Variants in NWD1 observed in about 807,000 individuals in gnomAD.
The protein encoded by NWD1 is NACHT and WD repeat domain containing 1, also known as NACHT domain- and WD repeat-containing protein 1.
Under a neutral mutation model 135.1 loss-of-function variants are expected in NWD1, and 129 were observed. The ratio of observed to expected loss-of-function variants is 0.96; its 90% CI spans 0.83 to 1.11. The LOEUF is 1.11. Among genes scored for constraint, NWD1 ranks in the 50% least tolerant of loss-of-function variants. The pLI is 0.00. For synonymous variants in NWD1, 773 were observed against 786.0 expected (o/e 0.98, Z 0.28); for missense variants, 1,740 against 1,851.3 (o/e 0.94, Z 1.10).
At chr19:16,752,783 G>C (rs2122828312) in intron 6 of NWD1, among the ~76,000 whole-genome samples, 1 of 152,240 alleles carries the variant, frequency 6.6e-6, no homozygotes, top group East Asian at 1.9e-4. Context: ...AATTACTTGA[G>C]CCCAGGAGTT....
chr19:16,725,014 T>A (rs8100417), intron 2 of NWD1, among the ~76,000 whole-genome samples: 1 of 149,154 alleles, frequency 6.7e-6, no homozygotes, highest in South Asian at 2.1e-4. Context: ...ATTTATTTTT[T>A]ATTTTTTTAT....
chr19:16,742,795 C>T (rs770759143), intron 4 of NWD1, among the ~76,000 whole-genome samples: 4 of 151,652 alleles, frequency 2.6e-5, no homozygotes, highest in Non-Finnish European at 4.4e-5. Context: ...CTCAGGCTCC[C>T]GAGCAGCTGG....
intron 10 of NWD1, among the ~76,000 whole-genome samples, chr19:16,766,103 A>C (rs557782123): frequency 3.9e-4 from 60 of 152,280 alleles, no homozygotes; most frequent in African/African-American, 1.4e-3. Flanking sequence ...ATGTAGGTAC[A>C]TATATGATAA....
intron 5 of NWD1, among the ~76,000 whole-genome samples, chr19:16,746,199 A>C (rs972832701): frequency 6.6e-6 from 1 of 151,960 alleles, no homozygotes; most frequent in Non-Finnish European, 1.5e-5. Context: ...ATTTAAAAAA[A>C]AAAAATTAAA....
chr19:16,807,486 C>G (rs2144512185), intron 17 of NWD1, 100 bp from the exon 18 acceptor site: 1 of 921,870 alleles, frequency 1.1e-6, no homozygotes. Flanking sequence ...GAGTGAGACT[C>G]CATCTCAAAA....
intron 3 of NWD1, among the ~76,000 whole-genome samples, chr19:16,733,375 C>T (rs1174502934): frequency 6.6e-6 from 1 of 151,366 alleles, no homozygotes; most frequent in Non-Finnish European, 1.5e-5. Flanking sequence ...ACAAAAATTA[C>T]CCAGATGTGG....
chr19:16,811,780 G>GC (rs956388104), intron 18 of NWD1, among the ~76,000 whole-genome samples: 7 of 152,010 alleles, frequency 4.6e-5, no homozygotes, highest in African/African-American at 1.5e-4. Context: ...CCCCTGTGGG[G>GC]CGCTTCAAAG....
rs1359242731 is a variant in NWD1 at position 16,749,794 on chromosome 19, C to T, written c.1152C>T (p.Gly384=). ...CACAAATGAGCTCAGATGCCCGTGG[C>T]CTGCTGAAGAGCATCTGCTTCCAGG... ...GTSQMSSDAR[G]LLKSICFQVC... Residue 384 remains glycine, a synonymous_variant, in exon 6 of 19, where the codon GGC becomes GGT. Coordinates refer to ENST00000524140, the MANE Select transcript of NWD1 (RefSeq NM_001007525.5). 6.2e-7 allele frequency: 1 copy of T among 1,605,650 alleles called. No individual in the cohort carries two copies. Among genetic ancestry groups the T allele is most frequent in the African/African-American group, 1.3e-5 (1 of 74,952 alleles).
At chr19:16,761,511 C>T (rs1029267781) in intron 7 of NWD1, among the ~76,000 whole-genome samples, 5 of 151,876 alleles carry the variant, frequency 3.3e-5, no homozygotes, top group Admixed American at 6.6e-5. Flanking sequence ...AGCACACCAC[C>T]ACGCCCAGCT....
At chr19:16,797,694 G>A in intron 15 of NWD1, 38 bp from the exon 16 acceptor site, 1 of 1,593,586 alleles carries the variant, frequency 6.3e-7, no homozygotes, top group South Asian at 1.1e-5. Flanking sequence ...AATCTCCTCT[G>A]GACATGAGAG....
At chr19:16,814,379 G>T (rs1971009420) in intron 18 of NWD1, among the ~76,000 whole-genome samples, 1 of 152,116 alleles carries the variant, frequency 6.6e-6, no homozygotes, top group Non-Finnish European at 1.5e-5. Context: ...CTATAGAAAA[G>T]GCGCTCATTG....
intron 6 of NWD1, among the ~76,000 whole-genome samples, chr19:16,750,627 T>A (rs34231229): frequency 6.7e-6 from 1 of 148,428 alleles, no homozygotes; most frequent in Admixed American, 6.8e-5. Context: ...CAAAATATAA[T>A]TTTTTTATTT....
rs753523820 is a variant in NWD1, at chr19:16,750,094, G to A, written c.1452G>A (p.Leu484=). The A allele has an allele frequency of 1.2e-6, 2 of 1,614,040 alleles. No homozygotes were observed. Among genetic ancestry groups the A allele is most frequent in the Non-Finnish European group, 8.5e-7 (1 of 1,180,024 alleles). ...GVLDTLQRVL[L]DPEAYWEVKP... is the part of the protein sequence containing the mutation. ...TGGACACCTTGCAGCGGGTGCTCCT[G>A]GACCCGGAGGCCTACTGGGAGGTGA... Residue 484 remains leucine, a synonymous_variant, in exon 6 of 19, where the codon CTG becomes CTA. Coordinates refer to ENST00000524140, the MANE Select transcript of NWD1 (RefSeq NM_001007525.5).
chr19:16,756,480 G>C (rs1599474914), intron 6 of NWD1, among the ~76,000 whole-genome samples: 1 of 151,946 alleles, frequency 6.6e-6, no homozygotes, highest in South Asian at 2.1e-4. Context: ...GTTCTTCAAG[G>C]GTCAACTATA....
chr19:16,749,125 C>T lies in NWD1; in HGVS notation c.497-14C>T. 6.4e-7 allele frequency: 1 copy of T among 1,572,944 alleles called. No homozygotes were observed. Among genetic ancestry groups the T allele is most frequent in the Non-Finnish European group, 8.6e-7 (1 of 1,156,674 alleles). On this transcript the variant is annotated splice_polypyrimidine_tract_variant and intron_variant, in intron 5 of 18. Transcript: ENST00000524140. ...AATGACCACACTTCCTTCCCACCTT[C>T]CCCACTTTGGCAGTCATTGAGTGGG...
rs541602040 is a variant in NWD1 at position 16,801,200 on chromosome 19, A to T, written c.3736+1038A>T. On this transcript the variant is annotated intron_variant, in intron 17 of 18. Coordinates refer to ENST00000524140, the MANE Select transcript of NWD1 (RefSeq NM_001007525.5). Reference sequence around the variant, plus strand: ...AGGCTGAGGCAGAAGAATAGCTTGAACCTGGGAGGCAGAGGTTGCAGTGAG... The same window carrying T: ...AGGCTGAGGCAGAAGAATAGCTTGATCCTGGGAGGCAGAGGTTGCAGTGAG... Among the ~76,000 whole-genome samples the T allele has an allele frequency of 2.6e-5, 4 of 151,968 alleles. No individual in the cohort carries two copies. The East Asian group carries it at 7.8e-4, about 29-fold the overall frequency.
rs547196404 is a variant in NWD1 at position 16,755,524 on chromosome 19, G to A, written c.1770-3701G>A. On this transcript the variant is annotated intron_variant, in intron 6 of 18. Transcript: ENST00000524140. Reference sequence around the variant, plus strand: ...ATGTCTCAGCCTCTCAAGTAGCTGGGATTACAGGCGTGCACCACCATGCCT... The same window carrying A: ...ATGTCTCAGCCTCTCAAGTAGCTGGAATTACAGGCGTGCACCACCATGCCT... 1.3e-4 allele frequency among the ~76,000 whole-genome samples: 20 copies of A among 152,244 alleles called. 1 individual carries two copies. In the South Asian group the frequency reaches 1.7e-3, roughly 13 times the overall value.
intron 11 of NWD1, among the ~76,000 whole-genome samples, chr19:16,774,132 T>C (rs1374392574): frequency 7.0e-6 from 1 of 142,200 alleles, no homozygotes; most frequent in African/African-American, 2.6e-5. Context: ...CACCCTTCCA[T>C]CCATCTACTG....
rs755485664 is a variant in NWD1, at chr19:16,773,302, A to C, written c.2587A>C (p.Thr863Pro). 6.2e-7 allele frequency: 1 copy of C among 1,612,450 alleles called. No individual in the cohort carries two copies. The highest frequency in any genetic ancestry group is 1.3e-5 in the African/African-American group (1 of 74,828). Residue 863 changes from threonine to proline, a missense_variant, in exon 11 of 19, where the codon ACT (threonine) becomes CCT (proline). Thr to Pro is a conservative substitution (Grantham distance 38). Transcript: ENST00000524140. ...GCCCCCGGGAGGACCCCTCCGGGCA[A>C]CTCTCAGCGGCTGTCACAAAGGTGA... Reference protein sequence around the residue: ...LQPPGGPLRATLSGCHKGITA... With the variant: ...LQPPGGPLRAPLSGCHKGITA...
Sources: gnomAD v4.1 joint callset for allele counts (sites outside exome capture counted in the v4.1 genomes callset) on GRCh38, gnomAD v4.1.1 for gene constraint, MANE v1.5 for transcripts, NCBI Gene and HGNC (gene_info 2026-07-23, HGNC 2026-07-21) for gene names.